Variants in DTNA observed in about 807,000 individuals in gnomAD.
DTNA encodes dystrobrevin alpha.
A neutral mutation model predicts 100.7 loss-of-function variants in DTNA; 43 were observed. That is an observed-to-expected ratio of 0.43 (90% CI 0.33 to 0.55). The LOEUF is 0.55. DTNA is among the 20% of genes least tolerant of loss of function. DTNA has a pLI of 0.04. For missense variants in DTNA, 798 were observed against 953.9 expected (o/e 0.84, Z 2.15); for synonymous variants, 349 against 347.9 (o/e 1.00, Z -0.04).
intron 1 of DTNA, among the ~76,000 whole-genome samples, chr18:34,577,101 A>C (rs1175744650): frequency 1.3e-5 from 2 of 152,090 alleles, no homozygotes; most frequent in Non-Finnish European, 2.9e-5. Context: ...TTAAACAATG[A>C]TTATGCGTTT....
Position 34,812,280 on chromosome 18 carries a change from C to T in DTNA, c.603+167C>T, listed in dbSNP as rs76038129. Among the ~76,000 whole-genome samples the T allele has an allele frequency of 0.016, 2,466 of 152,230 alleles. 66 individuals are homozygous for T. Among genetic ancestry groups the T allele is most frequent in the African/African-American group, 0.056 (2,313 of 41,514 alleles). ...TGACCTCTGAGCCAGTAACTAAACC[C>T]AGCACATCTGGATCACAATAATAGA... On this transcript the variant is annotated intron_variant, in intron 6 of 22. Coordinates refer to ENST00000444659, the MANE Select transcript of DTNA (RefSeq NM_001386795.1).
intron 1 of DTNA, among the ~76,000 whole-genome samples, chr18:34,599,942 T>G (rs1229546354): frequency 6.6e-6 from 1 of 152,250 alleles, no homozygotes; most frequent in African/African-American, 2.4e-5. Context: ...CCTTCCAAAG[T>G]GCTGGGATTA....
chr18:34,691,306 G>T (rs986340375), intron 1 of DTNA, among the ~76,000 whole-genome samples: 8 of 152,126 alleles, frequency 5.3e-5, no homozygotes, highest in African/African-American at 1.9e-4. Context: ...TCATTCTTCA[G>T]TGATTTGTTC....
intron 3 of DTNA, among the ~76,000 whole-genome samples, chr18:34,772,714 T>TA (rs1367537569): frequency 6.6e-6 from 1 of 152,340 alleles, no homozygotes; most frequent in South Asian, 2.1e-4. Flanking sequence ...CTATTCTTGG[T>TA]AAAAAATTAC....
At chr18:34,661,972 G>A (rs7231311) in intron 1 of DTNA, among the ~76,000 whole-genome samples, 2,061 of 152,036 alleles carry the variant, frequency 0.014, 37 homozygotes, top group African/African-American at 0.044. Context: ...GTATGTCTGC[G>A]CCTCTGTGTG....
intron 1 of DTNA, among the ~76,000 whole-genome samples, chr18:34,663,339 G>A (rs2075457338): frequency 6.6e-6 from 1 of 151,706 alleles, no homozygotes; most frequent in Non-Finnish European, 1.5e-5. Flanking sequence ...TTCTTTTTTT[G>A]TAGAGACAAG....
intron 1 of DTNA, among the ~76,000 whole-genome samples, chr18:34,676,652 T>C (rs1275539408): frequency 6.6e-6 from 1 of 152,060 alleles, no homozygotes; most frequent in Non-Finnish European, 1.5e-5. Flanking sequence ...CTGGGCAACA[T>C]AGCAAAATCT....
intron 1 of DTNA, among the ~76,000 whole-genome samples, chr18:34,585,837 C>T (rs1051624796): frequency 1.3e-5 from 2 of 152,166 alleles, no homozygotes; most frequent in Admixed American, 1.3e-4. Flanking sequence ...GTGGGTGGGA[C>T]ATTCTTTTAA....
At chr18:34,891,841 G>GGTGTTTGGTTTGTT (rs1239182796) in exon 23 of DTNA, 1 of 151,750 alleles carries the variant, frequency 6.6e-6, no homozygotes, top group Non-Finnish European at 1.5e-5. Context: ...ATGAATTAGT[G>GGTGTTTGGTTTGTT]GTGTTTGGTT....
intron 1 of DTNA, among the ~76,000 whole-genome samples, chr18:34,520,450 G>A (rs1279275441): frequency 3.3e-5 from 5 of 152,024 alleles, no homozygotes; most frequent in East Asian, 1.9e-4. Context: ...TCAGGAGTTC[G>A]AGACCAGCCT....
At chr18:34,619,033 A>G (rs531397786) in intron 1 of DTNA, among the ~76,000 whole-genome samples, 31 of 152,208 alleles carry the variant, frequency 2.0e-4, no homozygotes, top group Non-Finnish European at 4.0e-4. Flanking sequence ...GATGACTACA[A>G]GTGTGTCAGG....
intron 1 of DTNA, among the ~76,000 whole-genome samples, chr18:34,617,937 C>T (rs1599120584): frequency 6.6e-6 from 1 of 152,242 alleles, no homozygotes; most frequent in East Asian, 1.9e-4. Context: ...TGAGGTATAC[C>T]TGTATGCACA....
At chr18:34,558,766 G>A (rs2046366236) in intron 1 of DTNA, among the ~76,000 whole-genome samples, 1 of 152,124 alleles carries the variant, frequency 6.6e-6, no homozygotes, top group Non-Finnish European at 1.5e-5. Flanking sequence ...TCTAGGGGAA[G>A]CAAAGGGAAG....
intron 17 of DTNA, among the ~76,000 whole-genome samples, chr18:34,874,217 A>C (rs1315178324): frequency 6.6e-6 from 1 of 152,180 alleles, no homozygotes; most frequent in African/African-American, 2.4e-5. Flanking sequence ...TGAATGGGTT[A>C]ATGATGACTC....
At chr18:34,718,489 T>C (rs1034906806) in intron 1 of DTNA, among the ~76,000 whole-genome samples, 1 of 152,190 alleles carries the variant, frequency 6.6e-6, no homozygotes. Flanking sequence ...CCCATTTTGA[T>C]GGACTTTTTT....
chr18:34,836,647 CAAAAAAAAAA>C (rs749690995), intron 11 of DTNA, among the ~76,000 whole-genome samples: 31 of 51,680 alleles, frequency 6.0e-4, no homozygotes, highest in African/African-American at 1.5e-3. Flanking sequence ...GACTCTGTCT[CAAAAAAAAAA>C]AAAAAAAAAA....
At chr18:34,543,140 A>G (rs1016658299) in intron 1 of DTNA, among the ~76,000 whole-genome samples, 7 of 152,072 alleles carry the variant, frequency 4.6e-5, no homozygotes, top group African/African-American at 1.4e-4. Context: ...TCCAGAAATA[A>G]TATTAGAAGT....
At chr18:34,742,566 C>T (rs1489827176) in intron 1 of DTNA, among the ~76,000 whole-genome samples, 1 of 137,828 alleles carries the variant, frequency 7.3e-6, no homozygotes, top group Non-Finnish European at 1.6e-5. Flanking sequence ...CACAAAGTCC[C>T]TTTTGTCAAG....
intron 1 of DTNA, among the ~76,000 whole-genome samples, chr18:34,510,510 A>T (rs1227978424): frequency 6.6e-6 from 1 of 151,350 alleles, no homozygotes; most frequent in East Asian, 1.9e-4. Context: ...CATATTATTT[A>T]CTAGGAGTCA....
Sources: gnomAD v4.1 joint callset for allele counts (sites outside exome capture counted in the v4.1 genomes callset) on GRCh38, gnomAD v4.1.1 for gene constraint, MANE v1.5 for transcripts, NCBI Gene and HGNC (gene_info 2026-07-23, HGNC 2026-07-21) for gene names.